ARHGEF7: variants seen among roughly 807,000 people sequenced by gnomAD.
The protein encoded by ARHGEF7 is PAK-interacting exchange factor beta.
A neutral mutation model predicts 109.8 loss-of-function variants in ARHGEF7; 33 were observed. That is an observed-to-expected ratio of 0.30 (90% CI 0.23 to 0.40). The LOEUF is 0.40. Ranked by LOEUF, ARHGEF7 falls within the 10% of genes least tolerant of loss-of-function variation. ARHGEF7 has a pLI of 1.00. For missense variants in ARHGEF7, 938 were observed against 1,098.5 expected, an observed-to-expected ratio of 0.85 and a Z score of 2.07; for synonymous variants, 458 against 424.6, an observed-to-expected ratio of 1.08 and a Z score of -0.97.
At chr13:111,221,493 A>AC (rs2084218804) in intron 5 of ARHGEF7, among the ~76,000 whole-genome samples, 1 of 43,588 alleles carries the variant, frequency 2.3e-5, no homozygotes, top group Non-Finnish European at 4.7e-5. Flanking sequence ...ATATATAGAC[A>AC]TATATATATC....
In ARHGEF7 at chr13:111,255,739, C is replaced by T. The variant is rs1174986946; in HGVS notation, c.950+11445C>T. On this transcript the variant is annotated intron_variant, in intron 8 of 21. Transcript: ENST00000646102. The surrounding 1 kb of genome is among the most constrained non-coding windows in gnomAD (Gnocchi z 4.1). The stretch of plus-strand genomic sequence containing the variant: ...TCCCATTTCTGCAGCTTTGTCTTCA[C>T]TTGATTTCACTTTCTGCCCTTAAAC... Among the ~76,000 whole-genome samples the T allele has an allele frequency of 6.6e-6, 1 of 152,198 alleles. No homozygotes were observed. The highest frequency in any genetic ancestry group is 1.5e-5 in the Non-Finnish European group (1 of 68,032).
At chr13:111,237,890 A>G (rs2087051027) in intron 6 of ARHGEF7, among the ~76,000 whole-genome samples, 1 of 152,162 alleles carries the variant, frequency 6.6e-6, no homozygotes, top group South Asian at 2.1e-4. Flanking sequence ...CTTCCCACTA[A>G]TGTAAGGGAT....
At chr13:111,198,333 T>C (rs532089360) in intron 2 of ARHGEF7, among the ~76,000 whole-genome samples, 9 of 152,308 alleles carry the variant, frequency 5.9e-5, no homozygotes, top group African/African-American at 2.2e-4. Flanking sequence ...CGCCAAAATG[T>C]GTCCAGAATT....
chr13:111,250,362 C>T (rs138106171), intron 8 of ARHGEF7, among the ~76,000 whole-genome samples: 89 of 152,306 alleles, frequency 5.8e-4, no homozygotes, highest in African/African-American at 2.0e-3. Flanking sequence ...GTGATGCTGG[C>T]TGGCTGCTGA....
chr13:111,129,146 A>G (rs893190442), intron 1 of ARHGEF7, among the ~76,000 whole-genome samples: 3 of 152,230 alleles, frequency 2.0e-5, no homozygotes, highest in African/African-American at 7.2e-5. Context: ...TACTGGAACA[A>G]GTAGATACCC....
chr13:111,210,884 AG>A (rs1159523414), intron 4 of ARHGEF7, among the ~76,000 whole-genome samples: 1 of 152,140 alleles, frequency 6.6e-6, no homozygotes, highest in African/African-American at 2.4e-5. Context: ...AACATGGGGG[AG>A]TATTGCTAAG....
intron 2 of ARHGEF7, among the ~76,000 whole-genome samples, chr13:111,188,594 C>T (rs949886142): frequency 2.6e-5 from 4 of 152,028 alleles, no homozygotes; most frequent in Non-Finnish European, 4.4e-5. Context: ...GTCTTTTTTT[C>T]TTGGAGATTT....
rs150165829 is a variant in ARHGEF7, at chr13:111,172,799, G to A, written c.252+18808G>A. Among the ~76,000 whole-genome samples the A allele has an allele frequency of 1.1e-4, 16 of 152,302 alleles. No individual in the cohort carries two copies. In the East Asian group the frequency reaches 1.7e-3, roughly 17 times the overall value. On this transcript the variant is annotated intron_variant, in intron 2 of 21. Coordinates refer to ENST00000646102, the MANE Select transcript of ARHGEF7 (RefSeq NM_001354046.2). ...AGACCTCTGTCACAATTATTCTGCCGTTGTTGTGCGACAGCAGCCAGAGTT... is the reference window on the plus strand; with the variant it reads ...AGACCTCTGTCACAATTATTCTGCCATTGTTGTGCGACAGCAGCCAGAGTT...
chr13:111,220,690 C>G (rs1474734161), intron 5 of ARHGEF7, among the ~76,000 whole-genome samples: 1 of 152,162 alleles, frequency 6.6e-6, no homozygotes. Flanking sequence ...GAGCTGGCAG[C>G]AGCAGAGGAC....
chr13:111,285,707 A>G (rs1192635122), intron 16 of ARHGEF7, among the ~76,000 whole-genome samples: 1 of 152,120 alleles, frequency 6.6e-6, no homozygotes, highest in Non-Finnish European at 1.5e-5. Flanking sequence ...TTTTTTACTT[A>G]TCTGTCATTT....
chr13:111,119,263 A>G (rs9515378), intron 1 of ARHGEF7, among the ~76,000 whole-genome samples: 96,985 of 152,202 alleles, frequency 0.64, 32,357 homozygotes, highest in Admixed American at 0.75. Context: ...CATCTGCATT[A>G]ACTTCATTTC....
intron 8 of ARHGEF7, among the ~76,000 whole-genome samples, chr13:111,260,291 C>T (rs1031333541): frequency 1.3e-5 from 2 of 152,170 alleles, no homozygotes; most frequent in East Asian, 3.8e-4. Flanking sequence ...TAGATTTAAC[C>T]CGTAGAAGAC....
Position 111,272,445 on chromosome 13 carries a change from GT to G in ARHGEF7, c.1074-1365del, listed in dbSNP as rs1385884519. Among the ~76,000 whole-genome samples, 3 of 152,158 alleles carry G rather than the reference GT, an allele frequency of 2.0e-5. No individual in the cohort carries two copies. Among genetic ancestry groups the G allele is most frequent in the African/African-American group, 7.2e-5 (3 of 41,430 alleles). On this transcript the variant is annotated intron_variant, in intron 9 of 21. Transcript: ENST00000646102. The surrounding 1 kb of genome is among the most constrained non-coding windows in gnomAD (Gnocchi z 5.2). ...GAACCGGAAATTGGCTTGTTTCTCAGTTTTGCTGTTAGGATTTTCATGTTTA... is the reference window on the plus strand; with the variant it reads ...GAACCGGAAATTGGCTTGTTTCTCAGTTTGCTGTTAGGATTTTCATGTTTA...
Position 111,274,776 on chromosome 13 carries a change from T to C in ARHGEF7, c.1258T>C (p.Phe420Leu). ...RQDIQKSMAAFKNLSAQCQEV... is the reference protein window; with the variant it reads ...RQDIQKSMAALKNLSAQCQEV... ...AGATATTCAAAAATCCATGGCTGCCTTCAAAAACCTTTCAGTAAGTGATTA... is the reference window on the plus strand; with the variant it reads ...AGATATTCAAAAATCCATGGCTGCCCTCAAAAACCTTTCAGTAAGTGATTA... The change falls in exon 11 of 22, where the codon TTC (phenylalanine) becomes CTC (leucine). Residue 420 changes from phenylalanine (F) to leucine (L), a missense_variant. This residue lies in a region of ARHGEF7 where 585 missense variants were observed against 723.6 expected (regional missense o/e 0.81). Transcript: ENST00000646102. The C allele has an allele frequency of 6.7e-7, 1 of 1,491,472 alleles. No individual in the cohort carries two copies. Among genetic ancestry groups the C allele is most frequent in the Non-Finnish European group, 8.9e-7 (1 of 1,118,214 alleles). 92.4% of individuals were successfully genotyped at this position (1,491,472 alleles called of 1,614,324 possible). A position where few individuals can be genotyped will look rare whatever the true frequency, so the allele number is the denominator to read the frequency against.
intron 5 of ARHGEF7, among the ~76,000 whole-genome samples, chr13:111,224,095 T>G (rs1239907846): frequency 1.3e-5 from 2 of 152,216 alleles, no homozygotes; most frequent in East Asian, 3.9e-4. Flanking sequence ...GACCTTGTCA[T>G]CTGCCCGCCT....
chr13:111,203,160 A>C, intron 2 of ARHGEF7: 3 of 1,198,408 alleles, frequency 2.5e-6, no homozygotes, highest in Non-Finnish European at 3.2e-6. Context: ...GTAGTATACA[A>C]AATTGACAAA....
intron 2 of ARHGEF7, among the ~76,000 whole-genome samples, chr13:111,200,528 G>A (rs187423244): frequency 6.6e-6 from 1 of 151,536 alleles, no homozygotes; most frequent in East Asian, 1.9e-4. Context: ...TTAGAGGTTA[G>A]CTGATTCAGC....
At chr13:111,174,694 C>T (rs535642596) in intron 2 of ARHGEF7, among the ~76,000 whole-genome samples, 9 of 152,322 alleles carry the variant, frequency 5.9e-5, no homozygotes, top group Admixed American at 5.2e-4. Flanking sequence ...TGAAAACACA[C>T]CTTCTGGGTT....
chr13:111,300,804 G>C lies in ARHGEF7; in HGVS notation c.2368G>C (p.Val790Leu). 1 of 1,611,950 alleles carries C rather than the reference G, an allele frequency of 6.2e-7. No homozygotes were observed. Among genetic ancestry groups the C allele is most frequent in the Non-Finnish European group, 8.5e-7 (1 of 1,178,914 alleles). Reference protein sequence around the residue: ...VLLPEEEKIIVEETKSNGQTV... With the variant: ...VLLPEEEKIILEETKSNGQTV... Reference sequence around the variant, plus strand: ...GCTTCCAGAAGAAGAGAAAATTATAGTGGAAGAAACTAAAAGTAATGGTCA... The same window carrying C: ...GCTTCCAGAAGAAGAGAAAATTATACTGGAAGAAACTAAAAGTAATGGTCA... Residue 790 changes from valine to leucine, a missense_variant, in exon 20 of 22, where the codon GTG becomes CTG. By Grantham distance (32) the Val-to-Leu change is conservative (BLOSUM62 1). Around this residue, in one of 4 missense-constraint regions of ARHGEF7, gnomAD observed 166 missense variants for 167.3 expected, o/e 0.99. Transcript: ENST00000646102.
Sources: gnomAD v4.1 joint callset for allele counts (sites outside exome capture counted in the v4.1 genomes callset) on GRCh38, gnomAD v4.1.1 for gene constraint, gnomAD v4.1.1 regional missense constraint, Gnocchi (gnomAD v3.1) non-coding constraint, MANE v1.5 for transcripts, NCBI Gene and HGNC (gene_info 2026-07-23, HGNC 2026-07-21) for gene names.